The following SPMIP6 variants were observed in gnomAD, a reference collection of about 807,000 sequenced individuals.
SPMIP6 encodes the protein ciliated bronchial epithelial protein 1.
the SPMIP6 span, among the ~76,000 whole-genome samples, chr9:34,396,196 G>A: frequency 6.6e-6 from 1 of 151,936 alleles, no homozygotes; most frequent in Non-Finnish European, 1.5e-5. Context: ...AAGGGCATAC[G>A]ATAATATATT....
the SPMIP6 span, chr9:34,380,696 G>A: frequency 1.9e-6 from 3 of 1,547,610 alleles, no homozygotes; most frequent in Non-Finnish European, 8.7e-7. Flanking sequence ...AGTAACCTTC[G>A]TGCTGGTTCT....
At chr9:34,382,483 T>A in the SPMIP6 span, among the ~76,000 whole-genome samples, 1 of 150,188 alleles carries the variant, frequency 6.7e-6, no homozygotes, top group African/African-American at 2.5e-5. Flanking sequence ...TGCTCGGGAG[T>A]GTGAGGTAGC....
chr9:34,379,260 C>G, the SPMIP6 span: 1 of 849,654 alleles, frequency 1.2e-6, no homozygotes, highest in Non-Finnish European at 2.0e-6. This position sits in a 1 kb window ranked among gnomAD's most constrained non-coding sequence, Gnocchi z 4.2. Context: ...CAATGCTAAC[C>G]TTATCCCTAC....
At chr9:34,389,098 A>AT in the SPMIP6 span, among the ~76,000 whole-genome samples, 13 of 151,262 alleles carry the variant, frequency 8.6e-5, no homozygotes, top group Admixed American at 2.6e-4. Context: ...CACCCAGCTG[A>AT]TTTTTTTTTA....
chr9:34,386,587 CA>C, the SPMIP6 span, among the ~76,000 whole-genome samples: 74,439 of 127,022 alleles, frequency 0.59, 20,858 homozygotes, highest in East Asian at 0.83. Context: ...GACTTCGTCT[CA>C]AAAAAAAAAA....
chr9:34,389,744 AG>A, the SPMIP6 span, among the ~76,000 whole-genome samples: 2 of 152,222 alleles, frequency 1.3e-5, no homozygotes, highest in Admixed American at 6.5e-5. Context: ...TTTTTAAAAA[AG>A]TATTCAATAA....
chr9:34,394,279 C>T, the SPMIP6 span, among the ~76,000 whole-genome samples: 20 of 152,280 alleles, frequency 1.3e-4, no homozygotes, highest in African/African-American at 4.6e-4. Flanking sequence ...CCTCAGCCTC[C>T]TGAGTAGCTG....
the SPMIP6 span, among the ~76,000 whole-genome samples, chr9:34,387,245 C>T: frequency 2.0e-5 from 3 of 152,114 alleles, no homozygotes; most frequent in East Asian, 1.9e-4. Context: ...AAGGGATCTT[C>T]CCACCTTGAC....
At chr9:34,381,995 G>A in the SPMIP6 span, among the ~76,000 whole-genome samples, 1 of 152,170 alleles carries the variant, frequency 6.6e-6, no homozygotes, top group African/African-American at 2.4e-5. The surrounding 1 kb of genome is among the most constrained non-coding windows in gnomAD (Gnocchi z 4.4). Context: ...CACTGCTATT[G>A]AGTAGCCTTA....
At chr9:34,384,681 G>A in the SPMIP6 span, among the ~76,000 whole-genome samples, 14 of 152,302 alleles carry the variant, frequency 9.2e-5, no homozygotes, top group East Asian at 1.5e-3. Context: ...ATGAAGCCTG[G>A]TGCTGTGCTC....
the SPMIP6 span, among the ~76,000 whole-genome samples, chr9:34,389,126 G>A: frequency 1.3e-5 from 2 of 151,318 alleles, no homozygotes; most frequent in African/African-American, 2.4e-5. Context: ...TTATAGAGAC[G>A]ATGTTTCCCT....
At chr9:34,383,694 G>A in the SPMIP6 span, among the ~76,000 whole-genome samples, 6 of 152,158 alleles carry the variant, frequency 3.9e-5, no homozygotes, top group Non-Finnish European at 7.3e-5. Flanking sequence ...ATTATTATCT[G>A]TGTGACCCTG....
chr9:34,393,505 TTTTC>T, the SPMIP6 span, among the ~76,000 whole-genome samples: 1 of 152,212 alleles, frequency 6.6e-6, no homozygotes, highest in African/African-American at 2.4e-5. Context: ...CGAGAATTTT[TTTTC>T]TTTGTCTGTT....
At chr9:34,382,641 T>G in the SPMIP6 span, 2 of 762,550 alleles carry the variant, frequency 2.6e-6, no homozygotes, top group Non-Finnish European at 4.8e-6. Flanking sequence ...TCTGGGGCAT[T>G]TGTTGGGAAA....
chr9:34,385,535 CAAAA>C, the SPMIP6 span: 2,810 of 294,426 alleles, frequency 9.5e-3, no homozygotes, highest in East Asian at 0.013. Context: ...AACTCCGTCT[CAAAA>C]AAAAAAAAAA....
At chr9:34,397,702 C>G in the SPMIP6 span, 1 of 1,502,018 alleles carries the variant, frequency 6.7e-7, no homozygotes, top group Non-Finnish European at 8.9e-7. Flanking sequence ...CAGTGACCAC[C>G]CTTCCCCTAG....
the SPMIP6 span, chr9:34,381,385 C>G: frequency 6.2e-7 from 1 of 1,614,192 alleles, no homozygotes; most frequent in Admixed American, 1.7e-5. The surrounding 1 kb of genome is among the most constrained non-coding windows in gnomAD (Gnocchi z 4.4). Context: ...CATTGAGCCG[C>G]TCCGGCCTAG....
At chr9:34,385,606 T>C in the SPMIP6 span, 1 of 1,599,938 alleles carries the variant, frequency 6.3e-7, no homozygotes, top group Non-Finnish European at 8.5e-7. Context: ...TTGGGGGTCA[T>C]TTTAGGGGTC....
At chr9:34,379,402 A>G in the SPMIP6 span, among the ~76,000 whole-genome samples, 27 of 152,298 alleles carry the variant, frequency 1.8e-4, no homozygotes, top group African/African-American at 6.5e-4. This position sits in a 1 kb window ranked among gnomAD's most constrained non-coding sequence, Gnocchi z 4.2. Flanking sequence ...CTCTGAACCA[A>G]CGCCTTTGGC....
Sources: gnomAD v4.1 joint callset for allele counts (sites outside exome capture counted in the v4.1 genomes callset) on GRCh38, gnomAD v4.1.1 for gene constraint, Gnocchi (gnomAD v3.1) non-coding constraint, MANE v1.5 for transcripts, NCBI Gene and HGNC (gene_info 2026-07-23, HGNC 2026-07-21) for gene names.